E2F6: variants seen among roughly 807,000 people sequenced by gnomAD.
The protein encoded by E2F6 is transcription factor E2F6.
Under a neutral mutation model 31.5 loss-of-function variants are expected in E2F6, and 19 were observed. That is an observed-to-expected ratio of 0.60 (90% CI 0.42 to 0.89). E2F6 has a LOEUF of 0.89. Among genes scored for constraint, E2F6 ranks in the 40% least tolerant of loss-of-function variants. The probability of loss-of-function intolerance (pLI) is 0.00; values close to 1 mark genes in which losing one functional copy is unlikely to be tolerated. For synonymous variants in E2F6, 121 were observed against 127.7 expected, an observed-to-expected ratio of 0.95 and a Z score of 0.36; for missense variants, 269 against 341.6, an observed-to-expected ratio of 0.79 and a Z score of 1.67.
In E2F6 at chr2:11,447,592, A is replaced by T. The variant is rs769753812; in HGVS notation, c.799+35T>A. On this transcript the variant is annotated intron_variant, in intron 6 of 6. Transcript: ENST00000381525. ...CACATTAATAAAATTATGCATGCTTAATTAAAATACTGTCAGAATCACTGG... is the reference window on the plus strand; with the variant it reads ...CACATTAATAAAATTATGCATGCTTTATTAAAATACTGTCAGAATCACTGG... 204 of 1,601,970 alleles carry T rather than the reference A, an allele frequency of 1.3e-4. 1 individual carries two copies. The highest frequency in any genetic ancestry group is 1.6e-4 in the Non-Finnish European group (193 of 1,175,034).
In E2F6 at chr2:11,451,810, T is replaced by C; in HGVS notation, c.381-4A>G. 6.2e-7 allele frequency: 1 copy of C among 1,604,836 alleles called. No homozygotes were observed. The highest frequency in any genetic ancestry group is 1.1e-5 in the South Asian group (1 of 89,452). On this transcript the variant is annotated splice_polypyrimidine_tract_variant and splice_region_variant and intron_variant, in intron 3 of 6. Transcript: ENST00000381525. ...AAAATTGCTAAGATCAGATCCTCTT[T>C]AGAAGAAAAAAAATGTCAGCATCAA...
rs1379501404 is a variant in E2F6 at position 11,445,165 on chromosome 2, AAC to A, written c.*1310_*1311del. ...TGGATTCCGATTTTAAATCTTTTTA[AAC>A]ACAGTCTGAATTTGAAGTCGCTTCA... On this transcript the variant is annotated 3_prime_UTR_variant, in exon 7 of 7. Transcript: ENST00000381525. 5 of 152,218 alleles carry A rather than the reference AAC, an allele frequency of 3.3e-5. No homozygotes were observed. Among genetic ancestry groups the A allele is most frequent in the African/African-American group, 1.2e-4 (5 of 41,448 alleles). The allele number at this position is 152,218 out of a possible 1,614,324, so 9.4% of individuals were successfully genotyped here.
At chr2:11,448,514 T>C (rs1164250146) in intron 5 of E2F6, among the ~76,000 whole-genome samples, 1 of 152,182 alleles carries the variant, frequency 6.6e-6, no homozygotes, top group East Asian at 1.9e-4. Context: ...ATTGTGATCT[T>C]ATACCAGGGT....
intron 1 of E2F6, among the ~76,000 whole-genome samples, chr2:11,459,267 C>T (rs954339108): frequency 3.3e-5 from 5 of 152,152 alleles, no homozygotes; most frequent in African/African-American, 1.2e-4. Context: ...AAAGAGGCTG[C>T]CTCGCTAGCT....
At chr2:11,452,790 T>C (rs184178658) in intron 3 of E2F6, among the ~76,000 whole-genome samples, 1 of 152,354 alleles carries the variant, frequency 6.6e-6, no homozygotes, top group South Asian at 2.1e-4. Context: ...TGATTCACAA[T>C]GCATGCCGAT....
intron 4 of E2F6, among the ~76,000 whole-genome samples, chr2:11,450,477 T>C (rs970575689): frequency 2.0e-5 from 3 of 152,148 alleles, no homozygotes; most frequent in African/African-American, 7.2e-5. Flanking sequence ...TTTCACCCTA[T>C]TCCCTTTTCA....
At chr2:11,465,317 A>G (rs1280713867) in intron 1 of E2F6, among the ~76,000 whole-genome samples, 1 of 152,186 alleles carries the variant, frequency 6.6e-6, no homozygotes, top group African/African-American at 2.4e-5. Flanking sequence ...AGGGAGCCAA[A>G]TTTCCTAACC....
In E2F6 at chr2:11,446,253, A is replaced by T. The variant is rs556433219; in HGVS notation, c.*224T>A. 31 of 502,152 alleles carry T rather than the reference A, an allele frequency of 6.2e-5. No individual in the cohort carries two copies. The highest frequency in any genetic ancestry group is 6.2e-4 in the African/African-American group (31 of 50,326). 31.1% of individuals were successfully genotyped at this position (502,152 alleles called of 1,614,324 possible). ...GGCAAGATGTCTATTTCACTGACAA[A>T]AAGCAGTGAATAATTATAAAAGGAG... is the stretch of plus-strand genomic sequence containing the variant. On this transcript the variant is annotated 3_prime_UTR_variant, in exon 7 of 7. Coordinates refer to ENST00000381525, the MANE Select transcript of E2F6 (RefSeq NM_198256.4).
rs1051649756 is a variant in E2F6 at position 11,446,072 on chromosome 2, T to C, written c.*405A>G. 1.1e-5 allele frequency: 2 copies of C among 180,856 alleles called. No homozygotes were observed. Among genetic ancestry groups the C allele is most frequent in the Non-Finnish European group, 2.3e-5 (2 of 86,432 alleles). The allele number at this position is 180,856 out of a possible 1,614,324, so 11.2% of individuals were successfully genotyped here. ...TAAATTCGTGTGTACATCTATGCAA[T>C]GTACAACAGTAACTGCAAACATGAA... On this transcript the variant is annotated 3_prime_UTR_variant, in exon 7 of 7. Transcript: ENST00000381525.
Position 11,459,021 on chromosome 2 carries a change from C to A in E2F6, c.109-1788G>T, listed in dbSNP as rs149700195. Reference sequence around the variant, plus strand: ...GACATTAGACAAGTGTGACCAACTGCCATTGCTATTTTTACATTTAACCCC... The same window carrying A: ...GACATTAGACAAGTGTGACCAACTGACATTGCTATTTTTACATTTAACCCC... On this transcript the variant is annotated intron_variant, in intron 1 of 6. Coordinates refer to ENST00000381525, the MANE Select transcript of E2F6 (RefSeq NM_198256.4). Among the ~76,000 whole-genome samples the A allele has an allele frequency of 2.5e-3, 381 of 152,220 alleles. 2 individuals carry two copies. Among genetic ancestry groups the A allele is most frequent in the African/African-American group, 8.9e-3 (369 of 41,538 alleles).
chr2:11,457,107 C>T (rs748287941), intron 2 of E2F6, 72 bp downstream of exon 2: 10 of 1,195,440 alleles, frequency 8.4e-6, no homozygotes, highest in Non-Finnish European at 1.2e-5. Flanking sequence ...AACTCATACA[C>T]TTAAACAAAT....
At chr2:11,451,478 G>A (rs1671065960) in intron 4 of E2F6, 173 bp downstream of exon 4, 1 of 537,120 alleles carries the variant, frequency 1.9e-6, no homozygotes, top group Non-Finnish European at 3.0e-6. Flanking sequence ...AGCCTCCCAA[G>A]GAGCTGGGAT....
At chr2:11,457,373 C>A (rs961614902) in intron 1 of E2F6, 140 bp from the exon 2 acceptor site, 5 of 599,106 alleles carry the variant, frequency 8.3e-6, no homozygotes, top group South Asian at 2.0e-5. Context: ...CCTGTAATCC[C>A]AGCACTTTGG....
chr2:11,449,857 T>A (rs1231888508), intron 5 of E2F6, among the ~76,000 whole-genome samples, 155 bp downstream of exon 5: 1 of 152,238 alleles, frequency 6.6e-6, no homozygotes, highest in Non-Finnish European at 1.5e-5. Flanking sequence ...CTTGTGTTAG[T>A]TGAAGCAAGT....
chr2:11,446,719 CT>C (rs2148331060), intron 6 of E2F6, among the ~76,000 whole-genome samples, 196 bp from the exon 7 acceptor site: 1 of 152,334 alleles, frequency 6.6e-6, no homozygotes, highest in South Asian at 2.1e-4. Flanking sequence ...GGAACTCTAA[CT>C]TGTACCTGAA....
intron 1 of E2F6, among the ~76,000 whole-genome samples, chr2:11,461,500 C>T (rs571861914): frequency 2.2e-4 from 34 of 152,080 alleles, no homozygotes; most frequent in Admixed American, 7.9e-4. Flanking sequence ...TACAGGCGCA[C>T]GTCACCAAGC....
chr2:11,465,681 G>C (rs1412109578), intron 1 of E2F6, 91 bp downstream of exon 1: 11 of 1,384,460 alleles, frequency 7.9e-6, no homozygotes, highest in South Asian at 1.3e-5. Context: ...AGACGACCCA[G>C]ACGACGGCCA....
Position 11,446,362 on chromosome 2 carries a change from C to T in E2F6, c.*115G>A. On this transcript the variant is annotated 3_prime_UTR_variant, in exon 7 of 7. Transcript: ENST00000381525. ...GACACTACTGGCCATGATGCCGCTA[C>T]TGAGAACGAGAGCACTTCATGGATA... is the stretch of plus-strand genomic sequence containing the variant. 1.4e-6 allele frequency: 1 copy of T among 738,660 alleles called. No individual in the cohort carries two copies. Among genetic ancestry groups the T allele is most frequent in the Non-Finnish European group, 2.3e-6 (1 of 430,754 alleles). 45.8% of individuals were successfully genotyped at this position (738,660 alleles called of 1,614,324 possible).
rs765543732 is a variant in E2F6 at position 11,447,732 on chromosome 2, C to G, written c.694G>C (p.Asp232His). Residue 232 changes from aspartate to histidine, a missense_variant, in exon 6 of 7, where the codon GAT (aspartate) becomes CAT (histidine). Asp to His is a moderately conservative substitution (Grantham distance 81, BLOSUM62 -1). Coordinates refer to ENST00000381525, the MANE Select transcript of E2F6 (RefSeq NM_198256.4). The stretch of plus-strand genomic sequence containing the variant: ...TGCTCCACTTCACACAAATAGACAT[C>G]GATAGGTCCGTTGGTGCTCCTTATG... ...VHIRSTNGPI[D>H]VYLCEVEQGQ... 2 of 1,612,108 alleles carry G rather than the reference C, an allele frequency of 1.2e-6. No homozygotes were observed. Among genetic ancestry groups the G allele is most frequent in the Admixed American group, 1.7e-5 (1 of 59,996 alleles).
Sources: allele counts gnomAD v4.1 joint callset (sites outside exome capture counted in the v4.1 genomes callset), GRCh38; gene constraint gnomAD v4.1.1; transcripts MANE v1.5; gene names NCBI Gene and HGNC (gene_info 2026-07-23, HGNC 2026-07-21).